The following PKHD1L1 variants were observed in gnomAD, a reference collection of about 807,000 sequenced individuals.
The protein encoded by PKHD1L1 is fibrocystin-L.
Under a neutral mutation model 462.9 loss-of-function variants are expected in PKHD1L1, and 434 were observed. The ratio of observed to expected loss-of-function variants is 0.94; its 90% confidence interval spans 0.87 to 1.02. The LOEUF is 1.02. Ranked by LOEUF, PKHD1L1 falls within the 50% of genes least tolerant of loss-of-function variation. PKHD1L1 has a pLI of 0.00. For synonymous variants in PKHD1L1, 1,781 were observed against 1,750.0 expected (o/e 1.02, Z -0.44); for missense variants, 5,202 against 5,096.1 (o/e 1.02, Z -0.63).
At chr8:109,456,977 A>G (rs188259020) in intron 46 of PKHD1L1, among the ~76,000 whole-genome samples, 90 of 152,258 alleles carry the variant, frequency 5.9e-4, no homozygotes, top group Non-Finnish European at 8.8e-4. Context: ...ACTACTTATG[A>G]CCCTTAATTT....
At chr8:109,473,973 T>A (rs1321125617) in intron 50 of PKHD1L1, among the ~76,000 whole-genome samples, 1 of 152,076 alleles carries the variant, frequency 6.6e-6, no homozygotes, top group African/African-American at 2.4e-5. Context: ...TTGGCCAAGA[T>A]CAATGAAGCA....
chr8:109,525,999 T>C (rs1402941966), intron 76 of PKHD1L1, among the ~76,000 whole-genome samples: 2 of 152,206 alleles, frequency 1.3e-5, no homozygotes, highest in African/African-American at 2.4e-5. Flanking sequence ...GTACAAGTAT[T>C]AGAAATGCTA....
intron 27 of PKHD1L1, among the ~76,000 whole-genome samples, 181 bp downstream of exon 27, chr8:109,430,218 A>G (rs1243379989): frequency 6.6e-6 from 1 of 152,076 alleles, no homozygotes; most frequent in Admixed American, 6.6e-5. Flanking sequence ...GGCACTAATT[A>G]TTTATTTTTG....
At chr8:109,449,750 C>G (rs985838558) in intron 40 of PKHD1L1, among the ~76,000 whole-genome samples, 5 of 152,080 alleles carry the variant, frequency 3.3e-5, no homozygotes, top group Admixed American at 2.6e-4. Context: ...ATTGTGCATA[C>G]CAAATGGAGA....
chr8:109,413,457 A>G lies in PKHD1L1; in HGVS notation c.2272A>G (p.Ile758Val), dbSNP rs754532581. 6.3e-7 allele frequency: 1 copy of G among 1,575,548 alleles called. No homozygotes were observed. Among genetic ancestry groups the G allele is most frequent in the Non-Finnish European group, 8.6e-7 (1 of 1,156,904 alleles). The change falls in exon 21 of 78, where the codon ATT becomes GTT. Residue 758 changes from isoleucine to valine, a missense_variant. This residue lies in a region of PKHD1L1 where 4,497 missense variants were observed against 4,336.8 expected (regional missense o/e 1.04). Transcript: ENST00000378402. ...LAYKGFLANY[I>V]GLKFQYQDNS... ...ATACAAAGGATTCCTGGCAAATTATATTGGTCTAAAATTTCAGTACCAAGA... is the reference window on the plus strand; with the variant it reads ...ATACAAAGGATTCCTGGCAAATTATGTTGGTCTAAAATTTCAGTACCAAGA...
At chr8:109,417,340 CA>C (rs566057218) in intron 21 of PKHD1L1, among the ~76,000 whole-genome samples, 25 of 149,482 alleles carry the variant, frequency 1.7e-4, no homozygotes, top group East Asian at 1.2e-3. Flanking sequence ...TATGTATCCA[CA>C]AAAAAAAACT....
In PKHD1L1 at chr8:109,522,846, C is replaced by T. The variant is rs375867622; in HGVS notation, c.12286C>T (p.Gln4096Ter). 1 of 1,611,548 alleles carries T rather than the reference C, an allele frequency of 6.2e-7. No homozygotes were observed. Among genetic ancestry groups the T allele is most frequent in the African/African-American group, 1.3e-5 (1 of 74,822 alleles). The change falls in exon 75 of 78, where the codon CAG (glutamine) becomes TAG (stop). Residue 4096 changes from glutamine to a stop codon, truncating the protein, a stop_gained. Coordinates refer to ENST00000378402, the MANE Select transcript of PKHD1L1 (RefSeq NM_177531.6). LOFTEE classifies it high-confidence loss of function. ...TCAGCCGGTGGCAGCACAGCCAGGA[C>T]AGCCATTTCCTCAGCAGCCTTCGGT... ...ITQPVAAQPGQPFPQQPSVKA... is the reference protein window; with the variant it reads ...ITQPVAAQPG
rs1427740389 is a variant in PKHD1L1, at chr8:109,526,768, T to C, written c.12485-16T>C. ...ACATAAAGGAAATCAAACACTATGA[T>C]GCTTTTTTTTTCCAGGAAAAAATTA... is the stretch of plus-strand genomic sequence containing the variant. On this transcript the variant is annotated splice_polypyrimidine_tract_variant and intron_variant, in intron 76 of 77. Coordinates refer to ENST00000378402, the MANE Select transcript of PKHD1L1 (RefSeq NM_177531.6). The C allele has an allele frequency of 2.0e-6, 3 of 1,534,372 alleles. No homozygotes were observed. The Admixed American group carries it at 6.0e-5, about 31-fold the overall frequency.
chr8:109,462,265 TAG>T (rs1317796188), intron 48 of PKHD1L1, among the ~76,000 whole-genome samples: 1 of 152,138 alleles, frequency 6.6e-6, no homozygotes, highest in African/African-American at 2.4e-5. Flanking sequence ...GTTGCTCTAA[TAG>T]AGTTTCCACA....
intron 73 of PKHD1L1, 40 bp downstream of exon 73, chr8:109,518,548 C>T (rs773577588): frequency 6.8e-7 from 1 of 1,481,100 alleles, no homozygotes; most frequent in East Asian, 2.3e-5. Context: ...AATGCAATTA[C>T]CAAATCCATA....
rs375477668 is a variant in PKHD1L1, at chr8:109,426,177, CTT to C, written c.2846-822_2846-821del. On this transcript the variant is annotated intron_variant, in intron 24 of 77. Transcript: ENST00000378402. ...GTGACATTCTCAAATGTTTGTTTCT[CTT>C]TTATATTCATGACTTATAGGTTATC... Among the ~76,000 whole-genome samples, 14 of 152,122 alleles carry C rather than the reference CTT, an allele frequency of 9.2e-5. No homozygotes were observed. The South Asian group carries it at 2.9e-3, about 32-fold the overall frequency.
At chr8:109,436,965 T>G (rs375720033) in intron 30 of PKHD1L1, among the ~76,000 whole-genome samples, 32 of 152,330 alleles carry the variant, frequency 2.1e-4, no homozygotes, top group Admixed American at 3.3e-4. Context: ...CACCAGTCTG[T>G]AGTGCAATGG....
chr8:109,436,523 T>A lies in PKHD1L1; in HGVS notation c.3627+64T>A, dbSNP rs1815423773. 8.8e-6 allele frequency: 14 copies of A among 1,588,342 alleles called. No homozygotes were observed. The East Asian group carries it at 3.2e-4, about 36-fold the overall frequency. Reference sequence around the variant, plus strand: ...CTGAAATCTTATAAATTAGGAAACATCTCAGTGGGGCGGGGGGTGAAACAA... The same window carrying A: ...CTGAAATCTTATAAATTAGGAAACAACTCAGTGGGGCGGGGGGTGAAACAA... On this transcript the variant is annotated intron_variant, in intron 30 of 77. Transcript: ENST00000378402.
At chr8:109,383,173 C>T (rs1586397258) in intron 4 of PKHD1L1, among the ~76,000 whole-genome samples, 8 of 83,334 alleles carry the variant, frequency 9.6e-5, no homozygotes, top group South Asian at 6.7e-4. Context: ...ATAATATATA[C>T]AATAATATAT....
chr8:109,511,899 A>G (rs1820007398), intron 71 of PKHD1L1, among the ~76,000 whole-genome samples: 1 of 152,162 alleles, frequency 6.6e-6, no homozygotes, highest in Admixed American at 6.5e-5. Context: ...AACTGGTGTG[A>G]GATGGTATCT....
At chr8:109,460,830 A>G (rs1216768935) in intron 47 of PKHD1L1, among the ~76,000 whole-genome samples, 3 of 152,176 alleles carry the variant, frequency 2.0e-5, no homozygotes, top group Admixed American at 6.6e-5. Context: ...TTGCCTTGGG[A>G]TCCAGGCTTA....
rs555019211 is a variant in PKHD1L1 at position 109,531,495 on chromosome 8, GAGAT to G, written c.*1413_*1416del. On this transcript the variant is annotated 3_prime_UTR_variant, in exon 78 of 78. Coordinates refer to ENST00000378402, the MANE Select transcript of PKHD1L1 (RefSeq NM_177531.6). ...AGAGACAGAGAGGGAGGGGGAGAGAGAGATAGATAGAGAGAGAGAGAAAGCATGA... is the reference window on the plus strand; with the variant it reads ...AGAGACAGAGAGGGAGGGGGAGAGAGAGATAGAGAGAGAGAGAAAGCATGA... Among the ~76,000 whole-genome samples the G allele has an allele frequency of 2.4e-4, 36 of 152,204 alleles. No homozygotes were observed. Among genetic ancestry groups the G allele is most frequent in the Admixed American group, 9.2e-4 (14 of 15,282 alleles).
At chr8:109,449,242 T>C in intron 39 of PKHD1L1, 96 bp from the exon 40 acceptor site, 2 of 1,233,304 alleles carry the variant, frequency 1.6e-6, no homozygotes, top group Non-Finnish European at 2.2e-6. Context: ...TTAATGTAAC[T>C]TACTTTTAAC....
At chr8:109,466,882 T>C in intron 50 of PKHD1L1, 113 bp downstream of exon 50, 1 of 970,312 alleles carries the variant, frequency 1.0e-6, no homozygotes, top group South Asian at 1.7e-5. Flanking sequence ...AAGTATAACA[T>C]TTATATTAGA....
Sources: gnomAD v4.1 joint callset for allele counts (sites outside exome capture counted in the v4.1 genomes callset) on GRCh38, gnomAD v4.1.1 for gene constraint, gnomAD v4.1.1 regional missense constraint, MANE v1.5 for transcripts, NCBI Gene and HGNC (gene_info 2026-07-23, HGNC 2026-07-21) for gene names.